The following ECE1 variants were observed in gnomAD, a reference collection of about 807,000 sequenced individuals.
ECE1 encodes the protein endothelin-converting enzyme 1.
ECE1 carries 35 observed loss-of-function variants against 98.6 expected under a neutral mutation model. The observed-to-expected ratio is 0.35, with a 90% confidence interval of 0.27 to 0.47. The LOEUF (loss-of-function observed/expected upper bound fraction) is 0.47. Ranked by LOEUF, ECE1 falls within the 20% of genes least tolerant of loss-of-function variation. The pLI is 1.00. For missense variants in ECE1, 814 were observed against 1,025.3 expected (o/e 0.79, Z 2.81); for synonymous variants, 394 against 407.1 (o/e 0.97, Z 0.39).
At chr1:21,328,764 G>GAAAAAAA (rs35883969) in intron 1 of ECE1, among the ~76,000 whole-genome samples, 2 of 50,226 alleles carry the variant, frequency 4.0e-5, no homozygotes, top group Non-Finnish European at 7.9e-5. Context: ...CCTCCATCTC[G>GAAAAAAA]AAAAAAAAAA....
chr1:21,290,427 A>G lies in ECE1; in HGVS notation c.-13T>C, dbSNP rs1478306042. Reference sequence around the variant, plus strand: ...ACACGCCCCGCATGCTGTGCCCCAGACGCCTGGTCCCGCTGCCCGGGTGGC... The same window carrying G: ...ACACGCCCCGCATGCTGTGCCCCAGGCGCCTGGTCCCGCTGCCCGGGTGGC... On this transcript the variant is annotated 5_prime_UTR_variant, in exon 1 of 19. Coordinates refer to ENST00000374893, the MANE Select transcript of ECE1 (RefSeq NM_001397.3). This position sits in a 1 kb window ranked among gnomAD's most constrained non-coding sequence, Gnocchi z 7.3. 2.4e-6 allele frequency: 3 copies of G among 1,231,650 alleles called. No homozygotes were observed. The highest frequency in any genetic ancestry group is 3.2e-5 in the East Asian group (1 of 31,446). The allele number at this position is 1,231,650 out of a possible 1,614,324, so 76.3% of individuals were successfully genotyped here.
At chr1:21,245,203 T>TGACCCCAGGCCCCTTCCAGCCTGC in intron 9 of ECE1, 100 bp from the exon 10 acceptor site, 2 of 1,020,610 alleles carry the variant, frequency 2.0e-6, no homozygotes, top group Non-Finnish European at 1.5e-6. Context: ...ACTTGGCCTG[T>TGACCCCAGGCCCCTTCCAGCCTGC]GACCCCAGGC....
Position 21,258,904 on chromosome 1 carries a change from G to T in ECE1, c.616-65C>A. ...CGGGGAGACCCAGATGTGAATTCTG[G>T]TTCTGCCGCTGACTTGCTCTGTGAC... is the stretch of plus-strand genomic sequence containing the variant. On this transcript the variant is annotated intron_variant, in intron 5 of 18. Coordinates refer to ENST00000374893, the MANE Select transcript of ECE1 (RefSeq NM_001397.3). This position sits in a 1 kb window ranked among gnomAD's most constrained non-coding sequence, Gnocchi z 4.2. 2 of 1,600,430 alleles carry T rather than the reference G, an allele frequency of 1.2e-6. No individual in the cohort carries two copies. Among genetic ancestry groups the T allele is most frequent in the South Asian group, 2.2e-5 (2 of 89,738 alleles).
chr1:21,328,056 A>G (rs1240205111), intron 1 of ECE1, among the ~76,000 whole-genome samples: 3 of 152,224 alleles, frequency 2.0e-5, no homozygotes, highest in Non-Finnish European at 4.4e-5. Flanking sequence ...CACCCTGTCC[A>G]TGGAAAAATT....
chr1:21,301,827 G>GGA (rs1638491097), intron 1 of ECE1, among the ~76,000 whole-genome samples: 1 of 33,944 alleles, frequency 2.9e-5, no homozygotes, highest in Non-Finnish European at 5.8e-5. Flanking sequence ...CCCTGTCTCA[G>GGA]AAAAAAAAAA....
intron 3 of ECE1, among the ~76,000 whole-genome samples, chr1:21,277,747 G>A (rs1039682404): frequency 6.6e-6 from 1 of 152,164 alleles, no homozygotes; most frequent in African/African-American, 2.4e-5. Context: ...CTGGTTAAGG[G>A]CCTGAAAACT....
At chr1:21,285,658 C>T (rs1472340728) in intron 2 of ECE1, among the ~76,000 whole-genome samples, 1 of 147,810 alleles carries the variant, frequency 6.8e-6, no homozygotes, top group African/African-American at 2.5e-5. Flanking sequence ...CCACTGCACT[C>T]CAGCCTGGGC....
intron 1 of ECE1, among the ~76,000 whole-genome samples, chr1:21,337,025 G>T (rs2103418003): frequency 6.6e-6 from 1 of 152,230 alleles, no homozygotes; most frequent in East Asian, 1.9e-4. Context: ...CAACAAGAGT[G>T]AAAGTCCATC....
intron 1 of ECE1, among the ~76,000 whole-genome samples, chr1:21,318,429 C>T (rs1039615389): frequency 5.9e-5 from 9 of 152,010 alleles, no homozygotes; most frequent in African/African-American, 2.2e-4. Flanking sequence ...TGTCCCACTC[C>T]CTTAACAAAG....
intron 3 of ECE1, among the ~76,000 whole-genome samples, chr1:21,278,163 C>T (rs1376254011): frequency 6.6e-6 from 1 of 152,196 alleles, no homozygotes; most frequent in Non-Finnish European, 1.5e-5. Flanking sequence ...AACCATCTGC[C>T]ATCAGAAGAA....
At chr1:21,232,921 C>T (rs772109307) in intron 14 of ECE1, among the ~76,000 whole-genome samples, 2 of 152,094 alleles carry the variant, frequency 1.3e-5, no homozygotes, top group Non-Finnish European at 2.9e-5. Flanking sequence ...TCAGGTGATC[C>T]ACCTGTCTTG....
chr1:21,283,912 C>A (rs2098257775), intron 2 of ECE1, among the ~76,000 whole-genome samples: 1 of 152,188 alleles, frequency 6.6e-6, no homozygotes, highest in Admixed American at 6.6e-5. Flanking sequence ...CGGCTACGGG[C>A]CTCATGGTTT....
Position 21,227,980 on chromosome 1 carries a change from A to G in ECE1, c.1732T>C (p.Phe578Leu). 6.4e-7 allele frequency: 1 copy of G among 1,563,430 alleles called. No homozygotes were observed. Among genetic ancestry groups the G allele is most frequent in the Non-Finnish European group, 8.7e-7 (1 of 1,152,698 alleles). The change falls in exon 15 of 19, where the codon TTT becomes CTT. Residue 578 changes from phenylalanine to leucine, a missense_variant. Physicochemically the swap from Phe to Leu is conservative, Grantham distance 22 (BLOSUM62 0). This residue lies in a region of ECE1 where 452 missense variants were observed against 567.3 expected (regional missense o/e 0.80). Transcript: ENST00000374893. ...YYSPTKNEIV[F>L]PAGILQAPFY... ...GGTGCCTGCAGGATCCCGGCCGGAAACACAATCTCATTCTTGGTGGGCGAG... is the reference window on the plus strand; with the variant it reads ...GGTGCCTGCAGGATCCCGGCCGGAAGCACAATCTCATTCTTGGTGGGCGAG...
chr1:21,293,589 A>G (rs897756307), upstream of ECE1: 1 of 151,950 alleles, frequency 6.6e-6, no homozygotes, highest in Non-Finnish European at 1.5e-5. Context: ...GGAACTCCCA[A>G]GCAGAAATCA....
intron 1 of ECE1, among the ~76,000 whole-genome samples, chr1:21,310,845 A>G (rs796344487): frequency 2.0e-5 from 3 of 152,278 alleles, no homozygotes; most frequent in East Asian, 3.9e-4. Context: ...GGGTTGTGTA[A>G]GGGGCCAACC....
intron 1 of ECE1, among the ~76,000 whole-genome samples, chr1:21,315,828 C>A (rs1006960724): frequency 5.9e-5 from 9 of 151,670 alleles, no homozygotes; most frequent in African/African-American, 2.2e-4. Context: ...CCCTATTTTC[C>A]CCATATTCTA....
At chr1:21,279,690 C>G (rs1214648100) in intron 2 of ECE1, 1 of 1,384,814 alleles carries the variant, frequency 7.2e-7, no homozygotes, top group Non-Finnish European at 9.3e-7. Flanking sequence ...CCAGTGAGTA[C>G]CCAGCTGGGC....
intron 1 of ECE1, among the ~76,000 whole-genome samples, chr1:21,306,931 G>T (rs1475369381): frequency 6.6e-6 from 1 of 152,158 alleles, no homozygotes; most frequent in Non-Finnish European, 1.5e-5. Flanking sequence ...CTGAGTCAGG[G>T]ACACAGTCAG....
intron 3 of ECE1, among the ~76,000 whole-genome samples, chr1:21,277,135 G>A (rs1305542930): frequency 1.3e-5 from 2 of 152,132 alleles, no homozygotes; most frequent in Non-Finnish European, 2.9e-5. Context: ...GGTGGCTCAG[G>A]GGTCACCTGA....
Sources: gnomAD v4.1 joint callset for allele counts (sites outside exome capture counted in the v4.1 genomes callset) on GRCh38, gnomAD v4.1.1 for gene constraint, gnomAD v4.1.1 regional missense constraint, Gnocchi (gnomAD v3.1) non-coding constraint, MANE v1.5 for transcripts, NCBI Gene and HGNC (gene_info 2026-07-23, HGNC 2026-07-21) for gene names.